TLN2: variants seen among roughly 807,000 people sequenced by gnomAD.
TLN2 encodes talin-2.
A neutral mutation model predicts 294.7 loss-of-function variants in TLN2; 118 were observed. The observed-to-expected ratio is 0.40, with a 90% CI of 0.34 to 0.47. The LOEUF (loss-of-function observed/expected upper bound fraction) is 0.47, where lower values mean the gene tolerates loss of function less well. TLN2 is among the 20% of genes least tolerant of loss of function. The probability of loss-of-function intolerance (pLI) is 0.84; values close to 1 mark genes in which losing one functional copy is unlikely to be tolerated. For synonymous variants in TLN2, 1,431 were observed against 1,304.5 expected, an observed-to-expected ratio of 1.10 and a Z score of -2.09; for missense variants, 3,083 against 3,282.2, an observed-to-expected ratio of 0.94 and a Z score of 1.48.
chr15:62,698,701 C>A (rs1595706240), intron 15 of TLN2, 53 bp from the exon 16 acceptor site: 1 of 1,462,490 alleles, frequency 6.8e-7, no homozygotes, highest in Non-Finnish European at 9.5e-7. Flanking sequence ...CATAAAGGGC[C>A]ATGTCGGTCC....
At chr15:62,673,742 CTA>C (rs991347391) in intron 9 of TLN2, 83 bp from the exon 10 acceptor site, 33 of 1,030,192 alleles carry the variant, frequency 3.2e-5, no homozygotes, top group Non-Finnish European at 4.7e-5. Context: ...AGTGAGTTAA[CTA>C]TGAGTTTTAT....
chr15:62,586,497 T>TA (rs1411031142), intron 1 of TLN2, among the ~76,000 whole-genome samples: 1 of 152,238 alleles, frequency 6.6e-6, no homozygotes, highest in Non-Finnish European at 1.5e-5. Flanking sequence ...GTTATGAAGA[T>TA]ACATGTATTA....
At chr15:62,643,326 A>T (rs2051368233) in intron 3 of TLN2, among the ~76,000 whole-genome samples, 1 of 151,872 alleles carries the variant, frequency 6.6e-6, no homozygotes, top group African/African-American at 2.4e-5. Flanking sequence ...GGGAGCCAGA[A>T]GTGAGAAGGC....
At chr15:62,813,242 T>C (rs1290521049) in intron 52 of TLN2, among the ~76,000 whole-genome samples, 1 of 152,230 alleles carries the variant, frequency 6.6e-6, no homozygotes, top group Non-Finnish European at 1.5e-5. Flanking sequence ...TTAAATCTTG[T>C]GTGTTACAAA....
chr15:62,468,755 T>TA lies in TLN2; in HGVS notation c.-238+78075dup, dbSNP rs58950622. Among the ~76,000 whole-genome samples, 55 of 131,190 alleles carry TA rather than the reference T, an allele frequency of 4.2e-4. 1 individual carries two copies. The highest frequency in any genetic ancestry group is 3.7e-3 in the East Asian group (18 of 4,842). The allele number at this position is 131,190 out of a possible 152,430, so 86.1% of individuals were successfully genotyped here. On this transcript the variant is annotated intron_variant, in intron 1 of 58. Transcript: ENST00000636159. Reference sequence around the variant, plus strand: ...GCTAGACTCTGTCTCAAAAAAAAAATAAAAATAAAAAAAATACAAAAATAA... The same window carrying TA: ...GCTAGACTCTGTCTCAAAAAAAAAATAAAAAATAAAAAAAATACAAAAATAA...
At chr15:62,673,760 G>A in intron 9 of TLN2, 67 bp from the exon 10 acceptor site, 1 of 1,274,262 alleles carries the variant, frequency 7.8e-7, no homozygotes. Flanking sequence ...TTTATTAAAT[G>A]TCTTTGCTTT....
intron 1 of TLN2, among the ~76,000 whole-genome samples, chr15:62,439,783 T>C (rs954598098): frequency 4.6e-5 from 7 of 152,210 alleles, no homozygotes; most frequent in Non-Finnish European, 7.3e-5. Flanking sequence ...TTTGTGAACA[T>C]TGAGACTTTT....
intron 1 of TLN2, among the ~76,000 whole-genome samples, chr15:62,437,352 G>A (rs1038676420): frequency 2.6e-5 from 4 of 152,046 alleles, no homozygotes; most frequent in Non-Finnish European, 5.9e-5. Flanking sequence ...GGTGGCTGCT[G>A]AGAGAGATCA....
rs74403825 is a variant in TLN2 at position 62,471,781 on chromosome 15, A to G, written c.-238+81096A>G. On this transcript the variant is annotated intron_variant, in intron 1 of 58. Transcript: ENST00000636159. ...CTTTCACATTCGGGTTTGAAAACTC[A>G]GGACTGTAATAAAGACACAAGACAA... 7.5e-3 allele frequency among the ~76,000 whole-genome samples: 1,145 copies of G among 152,278 alleles called. 12 individuals carry two copies. Among genetic ancestry groups the G allele is most frequent in the African/African-American group, 0.025 (1,055 of 41,564 alleles).
intron 19 of TLN2, among the ~76,000 whole-genome samples, chr15:62,706,881 A>G (rs760558046): frequency 2.0e-5 from 3 of 152,248 alleles, no homozygotes; most frequent in Non-Finnish European, 4.4e-5. Context: ...ATGCTACTTA[A>G]TGGATGTAAG....
chr15:62,689,842 G>GCTC, intron 12 of TLN2, among the ~76,000 whole-genome samples: 2 of 27,572 alleles, frequency 7.3e-5, no homozygotes, highest in African/African-American at 1.3e-4. Flanking sequence ...CTTGGTATGG[G>GCTC]CTTCTTTTTT....
Position 62,399,256 on chromosome 15 carries a change from C to CAAAAAAAAAA in TLN2, c.-238+8591_-238+8600dup, listed in dbSNP as rs546678440. Among the ~76,000 whole-genome samples the CAAAAAAAAAA allele has an allele frequency of 3.3e-3, 190 of 58,338 alleles. 20 individuals are homozygous for CAAAAAAAAAA. The highest frequency in any genetic ancestry group is 0.025 in the Middle Eastern group (1 of 40). 38.3% of individuals were successfully genotyped at this position (58,338 alleles called of 152,430 possible). A position where few individuals can be genotyped will look rare whatever the true frequency, so the allele number is the denominator to read the frequency against. ...TGACAGAGCGAGACTCCGTCTCAAA[C>CAAAAAAAAAA]AAAAAAAAAAAAAAAAAAAAAAAAA... On this transcript the variant is annotated intron_variant, in intron 1 of 58. Coordinates refer to ENST00000636159, the MANE Select transcript of TLN2 (RefSeq NM_015059.3).
chr15:62,789,875 G>C (rs894334657), intron 45 of TLN2, among the ~76,000 whole-genome samples: 2 of 152,224 alleles, frequency 1.3e-5, no homozygotes, highest in African/African-American at 4.8e-5. Context: ...TGTAGAAACT[G>C]TTAGGAAAAC....
intron 1 of TLN2, among the ~76,000 whole-genome samples, chr15:62,515,602 C>G (rs749879457): frequency 6.6e-6 from 1 of 152,212 alleles, no homozygotes; most frequent in African/African-American, 2.4e-5. Flanking sequence ...TATCCTTAGG[C>G]TTATCTGTGT....
chr15:62,585,457 A>G (rs912987379), intron 1 of TLN2, among the ~76,000 whole-genome samples: 9 of 152,196 alleles, frequency 5.9e-5, no homozygotes, highest in Non-Finnish European at 1.3e-4. Context: ...ATGAGCAACC[A>G]TGTACTCCGA....
chr15:62,660,697 A>C (rs1596541822), intron 9 of TLN2, among the ~76,000 whole-genome samples: 1 of 152,302 alleles, frequency 6.6e-6, no homozygotes, highest in Middle Eastern at 3.4e-3. Flanking sequence ...TTCATGTGAA[A>C]TTTTGTTACC....
chr15:62,435,329 G>T (rs1000982253), intron 1 of TLN2, among the ~76,000 whole-genome samples: 1 of 152,138 alleles, frequency 6.6e-6, no homozygotes, highest in African/African-American at 2.4e-5. Context: ...CCAGATCTTT[G>T]CAGAATTGCC....
At chr15:62,682,107 C>T (rs2056887675) in intron 11 of TLN2, among the ~76,000 whole-genome samples, 1 of 152,184 alleles carries the variant, frequency 6.6e-6, no homozygotes, top group Non-Finnish European at 1.5e-5. Context: ...CTTCCCAACT[C>T]CCTGGCCCTA....
intron 54 of TLN2, among the ~76,000 whole-genome samples, chr15:62,825,861 T>TA (rs1198214429): frequency 5.5e-5 from 5 of 90,702 alleles, no homozygotes; most frequent in African/African-American, 2.1e-4. Flanking sequence ...ATTATATATA[T>TA]ATATATTTAT....
Sources: allele counts gnomAD v4.1 joint callset (sites outside exome capture counted in the v4.1 genomes callset), GRCh38; gene constraint gnomAD v4.1.1; transcripts MANE v1.5; gene names NCBI Gene and HGNC (gene_info 2026-07-23, HGNC 2026-07-21).